Variants in IDNK observed in about 807,000 individuals in gnomAD.
The protein encoded by IDNK is gluconokinase.
In IDNK, 9 loss-of-function variants were observed where a neutral mutation model predicts 13.0. The ratio of observed to expected loss-of-function variants is 0.69; its 90% CI spans 0.42 to 1.21. IDNK has a LOEUF of 1.21. IDNK is among the 50% of genes most tolerant of loss of function. The pLI is 0.00. For missense variants in IDNK, 210 were observed against 237.8 expected (o/e 0.88, Z 0.77); for synonymous variants, 92 against 94.9 (o/e 0.97, Z 0.18).
At chr9:83,641,002 GGA>G (rs1164579173) in intron 3 of IDNK, among the ~76,000 whole-genome samples, 1 of 152,202 alleles carries the variant, frequency 6.6e-6, no homozygotes, top group Non-Finnish European at 1.5e-5. Context: ...GCGCCAGGAA[GGA>G]GAGAATTTAC....
chr9:83,628,250 C>G, intron 2 of IDNK, 39 bp downstream of exon 2: 2 of 1,493,822 alleles, frequency 1.3e-6, no homozygotes, highest in South Asian at 2.4e-5. Flanking sequence ...GTGCTTGTCC[C>G]ATTGTGTTCT....
chr9:83,641,721 G>C (rs1831315038), intron 4 of IDNK, 130 bp downstream of exon 4: 4 of 937,396 alleles, frequency 4.3e-6, no homozygotes, highest in Admixed American at 2.4e-5. Context: ...GAAACTGGCT[G>C]CACTTCTATC....
intron 3 of IDNK, among the ~76,000 whole-genome samples, chr9:83,636,033 A>C (rs1298848550): frequency 1.3e-5 from 2 of 152,212 alleles, no homozygotes; most frequent in Admixed American, 6.5e-5. Flanking sequence ...AAATATATCC[A>C]AGAGGGTTTT....
At chr9:83,631,081 G>A (rs1026294281) in intron 3 of IDNK, among the ~76,000 whole-genome samples, 24 of 152,228 alleles carry the variant, frequency 1.6e-4, no homozygotes, top group African/African-American at 5.3e-4. Flanking sequence ...GTCACAGCTG[G>A]GCTGGCACCA....
chr9:83,626,897 T>C (rs1233107349), intron 1 of IDNK: 3 of 1,053,386 alleles, frequency 2.8e-6, no homozygotes, highest in Non-Finnish European at 3.5e-6. Context: ...GGAGCAGATC[T>C]CAGTTTGGTA....
chr9:83,628,057 TACA>T (rs1354643893), intron 1 of IDNK, 121 bp from the exon 2 acceptor site: 2 of 1,512,022 alleles, frequency 1.3e-6, no homozygotes, highest in Admixed American at 4.0e-5. Flanking sequence ...GCTTTAGGAT[TACA>T]CAGTGATTGG....
intron 3 of IDNK, among the ~76,000 whole-genome samples, chr9:83,632,357 T>C (rs1166955602): frequency 6.6e-6 from 1 of 152,104 alleles, no homozygotes; most frequent in Non-Finnish European, 1.5e-5. Flanking sequence ...ACATTCTGAT[T>C]TCACTCTTCG....
At chr9:83,628,650 C>CAAA (rs34312050) in intron 2 of IDNK, among the ~76,000 whole-genome samples, 1 of 131,332 alleles carries the variant, frequency 7.6e-6, no homozygotes, top group South Asian at 2.3e-4. Flanking sequence ...GACTACATTT[C>CAAA]AAAAAAAAAA....
At chr9:83,628,280 C>CT (rs566759138) in intron 2 of IDNK, 69 bp downstream of exon 2, 5 of 1,318,486 alleles carry the variant, frequency 3.8e-6, no homozygotes, top group Non-Finnish European at 5.3e-6. Context: ...GCATCTCTGC[C>CT]TTTTTTCTGC....
At chr9:83,634,832 T>G (rs998664044) in intron 3 of IDNK, among the ~76,000 whole-genome samples, 1 of 152,276 alleles carries the variant, frequency 6.6e-6, no homozygotes, top group Non-Finnish European at 1.5e-5. Flanking sequence ...AAACTCATTA[T>G]GAACATTTAC....
rs1156749913 is a variant in IDNK, at chr9:83,643,889, G to A, written c.*109G>A. ...TACTAGATTCTAAATGTTTCTAAAGGCAAACCCCAATGTGTCAAGACAGAC... is the reference window on the plus strand; with the variant it reads ...TACTAGATTCTAAATGTTTCTAAAGACAAACCCCAATGTGTCAAGACAGAC... On this transcript the variant is annotated 3_prime_UTR_variant, in exon 5 of 5. Transcript: ENST00000376419. The A allele has an allele frequency of 2.6e-6, 2 of 756,336 alleles. No homozygotes were observed. The highest frequency in any genetic ancestry group is 2.7e-5 in the East Asian group (1 of 37,372). 46.9% of individuals were successfully genotyped at this position (756,336 alleles called of 1,614,324 possible).
chr9:83,625,632 T>C (rs188382644), intron 1 of IDNK, among the ~76,000 whole-genome samples: 2 of 152,370 alleles, frequency 1.3e-5, no homozygotes, highest in African/African-American at 4.8e-5. Context: ...TCAAGTTCTT[T>C]AGTGACTTTG....
intron 1 of IDNK, among the ~76,000 whole-genome samples, chr9:83,623,830 C>T (rs980972750): frequency 6.6e-6 from 1 of 152,208 alleles, no homozygotes; most frequent in Non-Finnish European, 1.5e-5. Flanking sequence ...AGAGGTAGCC[C>T]AGTGTGCTAA....
At chr9:83,628,270 GCATCT>G in intron 2 of IDNK, 59 bp downstream of exon 2, 1 of 1,394,734 alleles carries the variant, frequency 7.2e-7, no homozygotes, top group South Asian at 1.2e-5. Flanking sequence ...TGGTCTCCTT[GCATCT>G]CTGCCTTTTT....
chr9:83,624,563 G>A (rs1447933676), intron 1 of IDNK, among the ~76,000 whole-genome samples: 2 of 152,190 alleles, frequency 1.3e-5, no homozygotes, highest in Non-Finnish European at 2.9e-5. Flanking sequence ...CAGGCAGAGT[G>A]GTCAGGGATG....
chr9:83,637,597 A>G (rs1046582364), intron 3 of IDNK, among the ~76,000 whole-genome samples: 15 of 152,252 alleles, frequency 9.9e-5, no homozygotes, highest in Admixed American at 9.2e-4. Context: ...CAAAGTCCAA[A>G]GCAAAACGAG....
chr9:83,626,820 C>G (rs1003034841), intron 1 of IDNK: 28 of 1,130,314 alleles, frequency 2.5e-5, no homozygotes, highest in Non-Finnish European at 2.7e-5. Flanking sequence ...TGTCTCCCTG[C>G]GCAGCCTTCA....
intron 4 of IDNK, among the ~76,000 whole-genome samples, chr9:83,643,134 G>T (rs550271372): frequency 5.3e-5 from 8 of 152,332 alleles, no homozygotes; most frequent in African/African-American, 9.6e-5. Context: ...GTGTATCAGA[G>T]ATCTCAAACA....
At position 83,628,211 on chromosome 9, in the gene IDNK, G is replaced by A. The variant is rs1830914632; in HGVS notation, c.81G>A (p.Glu27=). 1 of 1,550,088 alleles carries A rather than the reference G, an allele frequency of 6.5e-7. No homozygotes were observed. Among genetic ancestry groups the A allele is most frequent in the South Asian group, 1.2e-5 (1 of 84,064 alleles). The change falls in exon 2 of 5, where the codon GAG becomes GAA. Residue 27 remains glutamate (E), a splice_region_variant and synonymous_variant. Transcript: ENST00000376419. ...KSTVGALLAS[E]LGWKFYDADD... is the part of the protein sequence containing the mutation. ...CCGTGGGCGCCCTGCTGGCATCTGA[G>A]GTTAGTAACCTGTCCTAATGCCTTC...
Sources: allele counts gnomAD v4.1 joint callset (sites outside exome capture counted in the v4.1 genomes callset), GRCh38; gene constraint gnomAD v4.1.1; transcripts MANE v1.5; gene names NCBI Gene and HGNC (gene_info 2026-07-23, HGNC 2026-07-21).